TLN1: variants seen among roughly 807,000 people sequenced by gnomAD.
TLN1 encodes talin-1.
TLN1 carries 56 observed loss-of-function variants against 292.3 expected under a neutral mutation model. The ratio of observed to expected loss-of-function variants is 0.19; its 90% confidence interval spans 0.15 to 0.24. The LOEUF (loss-of-function observed/expected upper bound fraction) is 0.24, where lower values mean the gene tolerates loss of function less well. Ranked by LOEUF, TLN1 falls within the 10% of genes least tolerant of loss-of-function variation. TLN1 has a pLI of 1.00. For synonymous variants in TLN1, 1,119 were observed against 1,253.7 expected, an observed-to-expected ratio of 0.89 and a Z score of 2.27; for missense variants, 2,433 against 3,248.2, an observed-to-expected ratio of 0.75 and a Z score of 6.10.
rs56139047 is a variant in TLN1, at chr9:35,707,486, C to T, written c.4635G>A (p.Ala1545=). 8.3e-3 allele frequency: 13,457 copies of T among 1,613,674 alleles called. 73 individuals are homozygous for T. Among genetic ancestry groups the T allele is most frequent in the Non-Finnish European group, 9.8e-3 (11,511 of 1,179,742 alleles). The change falls in exon 36 of 57, where the codon GCG becomes GCA. Residue 1545 remains alanine (A), a splice_region_variant and synonymous_variant. Transcript: ENST00000314888. This position sits in a 1 kb window ranked among gnomAD's most constrained non-coding sequence, Gnocchi z 5.6. ...TCTCCTCTGTGAAGGCCCCATCTAG[C>T]GCCTAGAAGTGACAGAGAGGCTCTC... The part of the protein sequence containing the change: ...STANLVKTIK[A]LDGAFTEENR...
rs1825511389 is a variant in TLN1 at position 35,703,847 on chromosome 9, G to A, written c.6285C>T (p.Ile2095=). Residue 2095 remains isoleucine (I), a synonymous_variant, in exon 47 of 57, where the codon ATC becomes ATT. Coordinates refer to ENST00000314888, the MANE Select transcript of TLN1 (RefSeq NM_006289.4). Reference sequence around the variant, plus strand: ...TGCCAGCTGCAGCCTTCGTTGCACTGATGAGGTCTCCCAGGGCTTTGGCTA... The same window carrying A: ...TGCCAGCTGCAGCCTTCGTTGCACTAATGAGGTCTCCCAGGGCTTTGGCTA... ...KDVAKALGDL[I]SATKAAAGKV... 1 of 1,614,096 alleles carries A rather than the reference G, an allele frequency of 6.2e-7. No homozygotes were observed. The highest frequency in any genetic ancestry group is 1.3e-5 in the African/African-American group (1 of 74,940).
intron 7 of TLN1, chr9:35,723,135 CTT>C (rs1825906642): frequency 2.4e-6 from 1 of 416,994 alleles, no homozygotes; most frequent in South Asian, 2.4e-5. Context: ...GAGTTTCACT[CTT>C]GTTGCCCAGG....
At chr9:35,720,587 A>G (rs1341060381) in intron 11 of TLN1, 78 bp from the exon 12 acceptor site, 3 of 1,404,548 alleles carry the variant, frequency 2.1e-6, no homozygotes, top group Admixed American at 3.8e-5. Context: ...TCTTCTTTCC[A>G]TAACCAGCCA....
Position 35,714,022 on chromosome 9 carries a change from T to C in TLN1, c.3180A>G (p.Leu1060=), listed in dbSNP as rs769460319. The C allele has an allele frequency of 2.0e-5, 33 of 1,614,092 alleles. No homozygotes were observed. The highest frequency in any genetic ancestry group is 6.8e-6 in the Non-Finnish European group (8 of 1,180,046). ...MDSALSVVQN[L]EKDLQEVKAA... ...CCTTCACTTCCTGTAGATCTTTCTC[T>C]AGATTCTGTACCACACTCAGTGCAG... The change falls in exon 25 of 57, where the codon CTA becomes CTG. Residue 1060 remains leucine, a synonymous_variant. Transcript: ENST00000314888. This position sits in a 1 kb window ranked among gnomAD's most constrained non-coding sequence, Gnocchi z 4.6.
At position 35,712,816 on chromosome 9, in the gene TLN1, C is replaced by A. The variant is rs771076344; in HGVS notation, c.3561+19G>T. 1.3e-6 allele frequency: 2 copies of A among 1,552,260 alleles called. No homozygotes were observed. Among genetic ancestry groups the A allele is most frequent in the African/African-American group, 1.4e-5 (1 of 73,522 alleles). On this transcript the variant is annotated intron_variant, in intron 27 of 56. Coordinates refer to ENST00000314888, the MANE Select transcript of TLN1 (RefSeq NM_006289.4). ...AAGGAACCTGGGGGAGAGGGAGTGG[C>A]CCTTTCCCAGTATCTGACCTGGGCA...
In TLN1 at chr9:35,717,058, A is replaced by C; in HGVS notation, c.2458+88T>G. 1.4e-6 allele frequency: 2 copies of C among 1,450,192 alleles called. No homozygotes were observed. Among genetic ancestry groups the C allele is most frequent in the South Asian group, 2.8e-5 (2 of 72,668 alleles). 89.8% of individuals were successfully genotyped at this position (1,450,192 alleles called of 1,614,324 possible). On this transcript the variant is annotated intron_variant, in intron 19 of 56. Transcript: ENST00000314888. This position sits in a 1 kb window ranked among gnomAD's most constrained non-coding sequence, Gnocchi z 4.7. ...ACACTGTGCTGAGTTCCTTGGGGTG[A>C]AGTGGTTAGGTCCGCAAGGGGATGA...
At position 35,703,479 on chromosome 9, in the gene TLN1, G is replaced by A; in HGVS notation, c.6474+81C>T. ...AGACTGTGTGTGACTCCAGCTGTGA[G>A]TATATGTGTGGCACAGGTTCACAGG... is the stretch of plus-strand genomic sequence containing the variant. On this transcript the variant is annotated intron_variant, in intron 48 of 56. Coordinates refer to ENST00000314888, the MANE Select transcript of TLN1 (RefSeq NM_006289.4). 4 of 1,289,950 alleles carry A rather than the reference G, an allele frequency of 3.1e-6. No homozygotes were observed. In the South Asian group the frequency reaches 4.7e-5, roughly 15 times the overall value. 79.9% of individuals were successfully genotyped at this position (1,289,950 alleles called of 1,614,324 possible).
At position 35,699,961 on chromosome 9, in the gene TLN1, CG is replaced by C; in HGVS notation, c.6768+12del. On this transcript the variant is annotated intron_variant, in intron 50 of 56. Transcript: ENST00000314888. The surrounding 1 kb of genome is among the most constrained non-coding windows in gnomAD (Gnocchi z 4.0). ...GGAGGCTGGTATGAGGAACAAGCAA[CG>C]CCCTCCCTTACCAGCAGTACATGGT... is the stretch of plus-strand genomic sequence containing the variant. The C allele has an allele frequency of 1.9e-6, 3 of 1,600,534 alleles. No homozygotes were observed. The highest frequency in any genetic ancestry group is 2.6e-6 in the Non-Finnish European group (3 of 1,170,780).
chr9:35,709,756 G>A (rs993371974), intron 33 of TLN1, among the ~76,000 whole-genome samples: 16 of 149,818 alleles, frequency 1.1e-4, no homozygotes, highest in Admixed American at 1.3e-4. Flanking sequence ...GCATGGTGGC[G>A]CGCGCCTGTA....
In TLN1 at chr9:35,705,977, G is replaced by A; in HGVS notation, c.5496C>T (p.Thr1832=). ...AGACTCTAACCTGGTTGATGGCCTGGGTGATGGAGTCCACCATGCCACCCA... is the reference window on the plus strand; with the variant it reads ...AGACTCTAACCTGGTTGATGGCCTGAGTGATGGAGTCCACCATGCCACCCA... ...GVVGGMVDSI[T]QAINQLDEGP... is the part of the protein sequence containing the mutation. The change falls in exon 41 of 57, where the codon ACC becomes ACT. Residue 1832 remains threonine, a synonymous_variant. Coordinates refer to ENST00000314888, the MANE Select transcript of TLN1 (RefSeq NM_006289.4). 6.2e-7 allele frequency: 1 copy of A among 1,614,178 alleles called. No individual in the cohort carries two copies. The highest frequency in any genetic ancestry group is 8.5e-7 in the Non-Finnish European group (1 of 1,180,030).
At chr9:35,720,565 G>A (rs896141117) in intron 11 of TLN1, 56 bp from the exon 12 acceptor site, 3 of 1,545,882 alleles carry the variant, frequency 1.9e-6, no homozygotes, top group African/African-American at 2.7e-5. Context: ...GGGAAGTGGA[G>A]AAAAGGCAGC....
chr9:35,719,970 A>T lies in TLN1; in HGVS notation c.1464+69T>A, dbSNP rs1045477449. 1.5e-5 allele frequency: 24 copies of T among 1,590,034 alleles called. No individual in the cohort carries two copies. The African/African-American group carries it at 3.2e-4, about 21-fold the overall frequency. On this transcript the variant is annotated intron_variant, in intron 13 of 56. Coordinates refer to ENST00000314888, the MANE Select transcript of TLN1 (RefSeq NM_006289.4). The surrounding 1 kb of genome is among the most constrained non-coding windows in gnomAD (Gnocchi z 4.6). Reference sequence around the variant, plus strand: ...ATAGGGACCTGGGAAAAGACTGCCTAACTCCTGGCTCGGCCCAGCTGAGGG... The same window carrying T: ...ATAGGGACCTGGGAAAAGACTGCCTTACTCCTGGCTCGGCCCAGCTGAGGG...
chr9:35,725,471 T>C, intron 2 of TLN1, 94 bp downstream of exon 2: 1 of 1,565,270 alleles, frequency 6.4e-7, no homozygotes. Context: ...TGAGTAGTCT[T>C]AGGGGACAAA....
intron 7 of TLN1, chr9:35,723,751 G>A: frequency 1.4e-6 from 1 of 700,622 alleles, no homozygotes; most frequent in East Asian, 2.8e-5. Flanking sequence ...TAGGGGCAGA[G>A]ATACTGAACT....
In TLN1 at chr9:35,705,683, G is replaced by C. The variant is rs1587978364; in HGVS notation, c.5614-13C>G. On this transcript the variant is annotated splice_polypyrimidine_tract_variant and intron_variant, in intron 42 of 56. Transcript: ENST00000314888. ...TTGACTTGGTAACCTGGTGATAATGGAACGAGTGAAGTTATATCCAAAGTC... is the reference window on the plus strand; with the variant it reads ...TTGACTTGGTAACCTGGTGATAATGCAACGAGTGAAGTTATATCCAAAGTC... The C allele has an allele frequency of 1.2e-6, 2 of 1,612,806 alleles. No homozygotes were observed. Among genetic ancestry groups the C allele is most frequent in the East Asian group, 4.5e-5 (2 of 44,846 alleles).
intron 7 of TLN1, 67 bp from the exon 8 acceptor site, chr9:35,722,988 T>TG: frequency 2.8e-6 from 4 of 1,446,388 alleles, no homozygotes; most frequent in Non-Finnish European, 3.9e-6. Flanking sequence ...CCATGAACTG[T>TG]GGGCCTGGGG....
intron 20 of TLN1, among the ~76,000 whole-genome samples, 179 bp downstream of exon 20, chr9:35,716,211 A>T (rs1825780168): frequency 6.7e-6 from 1 of 149,286 alleles, no homozygotes; most frequent in South Asian, 2.1e-4. Context: ...AAAAAAAAAA[A>T]GCCTGGGTCA....
At chr9:35,710,954 T>C (rs748588086) in intron 31 of TLN1, 35 bp downstream of exon 31, 1 of 1,613,848 alleles carries the variant, frequency 6.2e-7, no homozygotes, top group Non-Finnish European at 8.5e-7. Context: ...AACACTTCCC[T>C]CAACCTCAAT....
chr9:35,712,797 C>G (rs1563942905), intron 27 of TLN1, 38 bp downstream of exon 27: 1 of 1,530,778 alleles, frequency 6.5e-7, no homozygotes, highest in Non-Finnish European at 8.8e-7. Context: ...TATGAAGGAA[C>G]CTGGGGGAGA....
Sources: gnomAD v4.1 joint callset for allele counts (sites outside exome capture counted in the v4.1 genomes callset) on GRCh38, gnomAD v4.1.1 for gene constraint, Gnocchi (gnomAD v3.1) non-coding constraint, MANE v1.5 for transcripts, NCBI Gene and HGNC (gene_info 2026-07-23, HGNC 2026-07-21) for gene names.